LIN54: variants seen among roughly 807,000 people sequenced by gnomAD.
LIN54 encodes protein lin-54 homolog.
LIN54 carries 9 observed loss-of-function variants against 78.7 expected under a neutral mutation model. The ratio of observed to expected loss-of-function variants is 0.11; its 90% confidence interval spans 0.07 to 0.20. The LOEUF is 0.20. LIN54 is among the 10% of genes least tolerant of loss of function. The probability of loss-of-function intolerance (pLI) is 1.00; values close to 1 mark genes in which losing one functional copy is unlikely to be tolerated. For synonymous variants in LIN54, 269 were observed against 318.4 expected, an observed-to-expected ratio of 0.84 and a Z score of 1.65; for missense variants, 573 against 889.9, an observed-to-expected ratio of 0.64 and a Z score of 4.53.
At position 82,986,711 on chromosome 4, in the gene LIN54, A is replaced by AG. The variant is rs1208544498; in HGVS notation, c.-32-1836_-32-1835insC. Among the ~76,000 whole-genome samples the AG allele has an allele frequency of 2.0e-5, 3 of 151,138 alleles. No homozygotes were observed. The East Asian group carries it at 5.9e-4, about 30-fold the overall frequency. ...GAGCGAGACCCCATCTCAAAAAAAA[A>AG]AAAAAAAAAAAAAAAGATACAACAC... On this transcript the variant is annotated intron_variant, in intron 1 of 12. Coordinates refer to ENST00000340417, the MANE Select transcript of LIN54 (RefSeq NM_194282.4).
At chr4:82,962,193 G>A (rs1243511249) in intron 4 of LIN54, among the ~76,000 whole-genome samples, 1 of 152,062 alleles carries the variant, frequency 6.6e-6, no homozygotes, top group Non-Finnish European at 1.5e-5. Context: ...CCAAGTAGCT[G>A]GAACTACAAG....
At chr4:82,936,506 A>T in intron 9 of LIN54, 125 bp from the exon 10 acceptor site, 1 of 544,258 alleles carries the variant, frequency 1.8e-6, no homozygotes, top group East Asian at 2.9e-5. Flanking sequence ...TCAGAAATCT[A>T]CTCAGCTACC....
chr4:82,949,163 C>G (rs1020790013), intron 4 of LIN54, among the ~76,000 whole-genome samples: 1 of 152,216 alleles, frequency 6.6e-6, no homozygotes, highest in Non-Finnish European at 1.5e-5. Context: ...TTCTGCACAT[C>G]CTCACCAACA....
At chr4:82,939,431 C>A in intron 7 of LIN54, 108 bp downstream of exon 7, 1 of 912,794 alleles carries the variant, frequency 1.1e-6, no homozygotes, top group Non-Finnish European at 1.8e-6. Context: ...TGGAAAGTGC[C>A]ACTTCAATAC....
chr4:82,986,731 C>G (rs1195618317), intron 1 of LIN54, among the ~76,000 whole-genome samples: 1 of 132,250 alleles, frequency 7.6e-6, no homozygotes, highest in East Asian at 2.4e-4. Context: ...AAAAAAGATA[C>G]AACACCCATC....
chr4:83,003,012 A>G (rs1728999194), intron 1 of LIN54, among the ~76,000 whole-genome samples: 1 of 152,034 alleles, frequency 6.6e-6, no homozygotes, highest in East Asian at 1.9e-4. Context: ...ACTTAGATTT[A>G]AGCTTTTTTT....
At chr4:83,012,387 C>A (rs1415794551), upstream of LIN54, among the ~76,000 whole-genome samples, 1 of 151,948 alleles carries the variant, frequency 6.6e-6, no homozygotes, top group Non-Finnish European at 1.5e-5. Flanking sequence ...GAGGGACTGG[C>A]ACAAAATGAC....
intron 1 of LIN54, among the ~76,000 whole-genome samples, chr4:83,001,897 G>GAAA (rs1728841314): frequency 6.3e-4 from 2 of 3,154 alleles, no homozygotes; most frequent in Non-Finnish European, 9.4e-4. Flanking sequence ...GAAGGAAGGA[G>GAAA]GGAGGGAGGG....
upstream of LIN54, among the ~76,000 whole-genome samples, chr4:83,011,811 TA>T (rs70943185): frequency 0.03 from 4,131 of 135,600 alleles, 108 homozygotes; most frequent in African/African-American, 0.07. Context: ...AGATCAGCAT[TA>T]AAAAAAAAAA....
At chr4:83,008,241 T>G (rs7691430) in intron 1 of LIN54, among the ~76,000 whole-genome samples, 65,870 of 152,104 alleles carry the variant, frequency 0.43, 17,035 homozygotes, top group Admixed American at 0.58. Context: ...CAACTTCACC[T>G]CCAGTGATTC....
At chr4:82,957,154 G>C (rs778189297) in intron 4 of LIN54, among the ~76,000 whole-genome samples, 2 of 152,252 alleles carry the variant, frequency 1.3e-5, no homozygotes, top group African/African-American at 2.4e-5. Flanking sequence ...ACAGATAAAA[G>C]CAAAAGCAAT....
intron 4 of LIN54, among the ~76,000 whole-genome samples, chr4:82,968,730 G>A (rs1725418794): frequency 6.6e-6 from 1 of 152,164 alleles, no homozygotes; most frequent in South Asian, 2.1e-4. Context: ...AGCCAAGGTT[G>A]AGAATCACTA....
intron 4 of LIN54, among the ~76,000 whole-genome samples, chr4:82,970,122 T>G (rs1725521558): frequency 6.6e-6 from 1 of 152,234 alleles, no homozygotes; most frequent in Non-Finnish European, 1.5e-5. Context: ...CATATTCACA[T>G]GCAAAATGAT....
chr4:83,004,167 G>A (rs143159157), intron 1 of LIN54, among the ~76,000 whole-genome samples: 18 of 152,166 alleles, frequency 1.2e-4, no homozygotes, highest in African/African-American at 4.1e-4. Context: ...AGAGGCTGAG[G>A]TGGACAGATT....
chr4:83,010,344 A>G (rs939937379), intron 1 of LIN54, 140 bp downstream of exon 1: 1 of 283,838 alleles, frequency 3.5e-6, no homozygotes, highest in African/African-American at 2.3e-5. Context: ...TGTTGATGTC[A>G]TGACGAGGCT....
chr4:82,966,517 C>T (rs766049469), intron 4 of LIN54, among the ~76,000 whole-genome samples: 9 of 150,840 alleles, frequency 6.0e-5, no homozygotes, highest in East Asian at 1.9e-4. Context: ...CAGGGCTTTA[C>T]ATCTCAGTGA....
intron 4 of LIN54, among the ~76,000 whole-genome samples, chr4:82,967,224 C>CAAAAAAAAAAAAAAA (rs373152789): frequency 9.3e-6 from 1 of 108,032 alleles, no homozygotes; most frequent in Non-Finnish European, 1.9e-5. Flanking sequence ...GACTCCATCT[C>CAAAAAAAAAAAAAAA]AAAAAAAAAA....
intron 1 of LIN54, among the ~76,000 whole-genome samples, chr4:83,008,825 T>C (rs1363936002): frequency 1.3e-5 from 2 of 152,168 alleles, no homozygotes; most frequent in Non-Finnish European, 2.9e-5. Context: ...ATCTGAAAAC[T>C]GGTCTTTAAA....
At chr4:82,961,402 G>C (rs1301393283) in intron 4 of LIN54, among the ~76,000 whole-genome samples, 1 of 152,158 alleles carries the variant, frequency 6.6e-6, no homozygotes, top group Non-Finnish European at 1.5e-5. Flanking sequence ...TCTGTACACA[G>C]CTTATGCCCT....
Sources: gnomAD v4.1 joint callset for allele counts (sites outside exome capture counted in the v4.1 genomes callset) on GRCh38, gnomAD v4.1.1 for gene constraint, MANE v1.5 for transcripts, NCBI Gene and HGNC (gene_info 2026-07-23, HGNC 2026-07-21) for gene names.